RBFOX1: variants seen among roughly 807,000 people sequenced by gnomAD.
RBFOX1 encodes RNA binding fox-1 homolog 1.
Under a neutral mutation model 57.7 loss-of-function variants are expected in RBFOX1, and 8 were observed. That is an observed-to-expected ratio of 0.14 (90% CI 0.08 to 0.25). The LOEUF is 0.25. Ranked by LOEUF, RBFOX1 falls within the 10% of genes least tolerant of loss-of-function variation. RBFOX1 has a pLI of 1.00. For missense variants in RBFOX1, 611 were observed against 548.5 expected, an observed-to-expected ratio of 1.11 and a Z score of -1.14; for synonymous variants, 326 against 222.4, an observed-to-expected ratio of 1.47 and a Z score of -4.15.
intron 3 of RBFOX1, among the ~76,000 whole-genome samples, chr16:7,018,185 G>T (rs77851194): frequency 1.3e-5 from 2 of 152,052 alleles, no homozygotes; most frequent in African/African-American, 2.4e-5. Context: ...CCGTGCATTC[G>T]TGGATCCTGC....
In RBFOX1 at chr16:7,567,775, CTATATATATCCATATGTATACCTA is replaced by C. The variant is rs1484068980; in HGVS notation, c.271-11994_271-11971del. Among the ~76,000 whole-genome samples the C allele has an allele frequency of 1.4e-4, 21 of 147,262 alleles. No homozygotes were observed. The South Asian group carries it at 1.5e-3, about 10-fold the overall frequency. The stretch of plus-strand genomic sequence containing the variant: ...CATATAACCCTATATATATCCCTCT[CTATATATATCCATATGTATACCTA>C]TATATATCCCCATATATATACCTAT... On this transcript the variant is annotated intron_variant, in intron 5 of 15. Coordinates refer to ENST00000550418, the MANE Select transcript of RBFOX1 (RefSeq NM_018723.4).
chr16:6,001,223 A>G (rs989739757), intron 4 of RBFOX1, among the ~76,000 whole-genome samples: 1 of 152,204 alleles, frequency 6.6e-6, no homozygotes, highest in Non-Finnish European at 1.5e-5. Flanking sequence ...ATTAGCCTGG[A>G]GCTCTCCAGT....
chr16:6,825,180 T>A (rs1392501805), intron 3 of RBFOX1, among the ~76,000 whole-genome samples: 2 of 150,324 alleles, frequency 1.3e-5, no homozygotes, highest in Non-Finnish European at 3.0e-5. Context: ...CAGATGATCC[T>A]TTCTTGTGGG....
At chr16:5,751,704 T>G (rs2053212375) in intron 3 of RBFOX1, among the ~76,000 whole-genome samples, 1 of 152,218 alleles carries the variant, frequency 6.6e-6, no homozygotes, top group Admixed American at 6.5e-5. Flanking sequence ...TACTGTTAGC[T>G]GTAGAATATC....
chr16:7,199,089 C>G (rs746519789), intron 4 of RBFOX1, among the ~76,000 whole-genome samples: 8 of 152,146 alleles, frequency 5.3e-5, no homozygotes, highest in African/African-American at 1.4e-4. Context: ...GTCCTCCTCC[C>G]CAGAGGAAGA....
chr16:6,756,954 A>T (rs1331983264), intron 3 of RBFOX1, among the ~76,000 whole-genome samples: 1 of 151,482 alleles, frequency 6.6e-6, no homozygotes, highest in Non-Finnish European at 1.5e-5. Context: ...CAGCCTGGGC[A>T]CCAAGGGCGA....
chr16:6,206,050 A>G (rs2097253363), intron 1 of RBFOX1, among the ~76,000 whole-genome samples: 1 of 151,968 alleles, frequency 6.6e-6, no homozygotes, highest in South Asian at 2.1e-4. Flanking sequence ...TAATGTGCAA[A>G]CTGAAGATGA....
intron 4 of RBFOX1, among the ~76,000 whole-genome samples, chr16:7,411,336 C>T (rs900564921): frequency 1.1e-4 from 17 of 152,128 alleles, no homozygotes; most frequent in Non-Finnish European, 2.4e-4. Context: ...TCAGTTTAGC[C>T]ACAATTCCAC....
At chr16:6,972,410 A>ACCCAT (rs1169184995) in intron 3 of RBFOX1, among the ~76,000 whole-genome samples, 64 of 152,228 alleles carry the variant, frequency 4.2e-4, no homozygotes, top group Non-Finnish European at 7.5e-4. Context: ...TCCATGGTGT[A>ACCCAT]GGATGTTTCT....
chr16:6,439,479 G>T (rs2094320754), intron 2 of RBFOX1, among the ~76,000 whole-genome samples: 1 of 152,214 alleles, frequency 6.6e-6, no homozygotes, highest in Non-Finnish European at 1.5e-5. Context: ...GTCGAGGAAT[G>T]TGGAACATCC....
rs930124587 is a variant in RBFOX1, at chr16:7,525,780, T to C, written c.270+7391T>C. Among the ~76,000 whole-genome samples, 5 of 152,324 alleles carry C rather than the reference T, an allele frequency of 3.3e-5. No individual in the cohort carries two copies. In the South Asian group the frequency reaches 1.0e-3, roughly 32 times the overall value. On this transcript the variant is annotated intron_variant, in intron 5 of 15. Coordinates refer to ENST00000550418, the MANE Select transcript of RBFOX1 (RefSeq NM_018723.4). ...CTCTTTTGGTCGCCATCTTGTTTTG[T>C]TACATCAACCTTTTGAATGCTGTTA...
chr16:5,249,889 C>T (rs1054911888), intron 1 of RBFOX1, among the ~76,000 whole-genome samples: 2 of 151,350 alleles, frequency 1.3e-5, no homozygotes, highest in Non-Finnish European at 2.9e-5. Context: ...AACCCAGAAG[C>T]AGCAGGTTGC....
At chr16:7,444,621 CTCCCAGGCTCAAGT>C (rs1172104836) in intron 4 of RBFOX1, among the ~76,000 whole-genome samples, 2 of 152,136 alleles carry the variant, frequency 1.3e-5, no homozygotes, top group Admixed American at 6.5e-5. Flanking sequence ...CAGCCTCAAC[CTCCCAGGCTCAAGT>C]GATCCTTCTA....
intron 3 of RBFOX1, among the ~76,000 whole-genome samples, chr16:6,995,015 A>G (rs1034840114): frequency 6.7e-6 from 1 of 149,440 alleles, no homozygotes; most frequent in Non-Finnish European, 1.5e-5. Context: ...ACGTGTGTAT[A>G]TGGATATATA....
chr16:7,190,249 C>G (rs1183103394), intron 4 of RBFOX1, among the ~76,000 whole-genome samples: 1 of 152,110 alleles, frequency 6.6e-6, no homozygotes, highest in African/African-American at 2.4e-5. Context: ...ATCCCAGCGA[C>G]TCGGGAGGCT....
chr16:5,511,077 A>G (rs531176502), intron 2 of RBFOX1, among the ~76,000 whole-genome samples: 4 of 152,324 alleles, frequency 2.6e-5, no homozygotes, highest in African/African-American at 9.6e-5. Context: ...TGGCCGTGAA[A>G]AAAAACAGTG....
intron 2 of RBFOX1, among the ~76,000 whole-genome samples, chr16:6,586,415 A>G (rs1228674250): frequency 6.6e-6 from 1 of 152,176 alleles, no homozygotes; most frequent in Non-Finnish European, 1.5e-5. Flanking sequence ...TTTGTGCATC[A>G]TCCATTTGTG....
chr16:6,986,769 C>T (rs1247577734), intron 3 of RBFOX1, among the ~76,000 whole-genome samples: 1 of 152,042 alleles, frequency 6.6e-6, no homozygotes, highest in Non-Finnish European at 1.5e-5. Context: ...TGCCAGTTGC[C>T]TCCTCCACTT....
chr16:7,518,103 C>T (rs202021640), intron 4 of RBFOX1, 44 bp from the exon 5 acceptor site: 251 of 1,577,692 alleles, frequency 1.6e-4, no homozygotes, highest in Non-Finnish European at 1.9e-4. Flanking sequence ...CATGGTGGCT[C>T]CTCATGACGT....
Sources: allele counts gnomAD v4.1 joint callset (sites outside exome capture counted in the v4.1 genomes callset), GRCh38; gene constraint gnomAD v4.1.1; transcripts MANE v1.5; gene names NCBI Gene and HGNC (gene_info 2026-07-23, HGNC 2026-07-21).